Variants in MAP10 observed in about 807,000 individuals in gnomAD.
MAP10 encodes microtubule associated protein 10, also known as microtubule-associated protein 10.
MAP10 carries 10 observed loss-of-function variants against 6.3 expected under a neutral mutation model. The ratio of observed to expected loss-of-function variants is 1.58; its 90% CI spans 0.98 to 2.69. The LOEUF is 2.69. Among genes scored for constraint, MAP10 ranks in the 30% most tolerant of loss-of-function variants. MAP10 has a pLI of 0.00. For synonymous variants in MAP10, 459 were observed against 429.3 expected, an observed-to-expected ratio of 1.07 and a Z score of -0.86; for missense variants, 1,189 against 1,086.5, an observed-to-expected ratio of 1.09 and a Z score of -1.33.
rs1666104795 is a variant in MAP10 at position 232,806,434 on chromosome 1, G to A, written c.985G>A (p.Ala329Thr). 2 of 1,613,686 alleles carry A rather than the reference G, an allele frequency of 1.2e-6. No individual in the cohort carries two copies. Among genetic ancestry groups the A allele is most frequent in the East Asian group, 4.5e-5 (2 of 44,874 alleles). Reference sequence around the variant, plus strand: ...AATCACCATTGAGCCTCAAATGAATGCACCTGAGGAAATGGATGATGCTTC... The same window carrying A: ...AATCACCATTGAGCCTCAAATGAATACACCTGAGGAAATGGATGATGCTTC... Reference protein sequence around the residue: ...AKITIEPQMNAPEEMDDASPE... With the variant: ...AKITIEPQMNTPEEMDDASPE... The change falls in exon 1 of 1, where the codon GCA becomes ACA. Residue 329 changes from alanine to threonine, a missense_variant. Transcript: ENST00000418460.
Position 232,807,238 on chromosome 1 carries a change from G to A in MAP10, c.1789G>A (p.Ala597Thr), listed in dbSNP as rs1461760230. ...STSKETKLKY[A>T]TEKKTVDCSK... Reference sequence around the variant, plus strand: ...AAGTAAAGAAACTAAACTGAAATATGCAACTGAAAAAAAGACAGTTGATTG... The same window carrying A: ...AAGTAAAGAAACTAAACTGAAATATACAACTGAAAAAAAGACAGTTGATTG... Residue 597 changes from alanine to threonine, a missense_variant, in exon 1 of 1, where the codon GCA (alanine) becomes ACA (threonine). By Grantham distance (58) the Ala-to-Thr change is moderately conservative. Transcript: ENST00000418460. 1 of 1,613,092 alleles carries A rather than the reference G, an allele frequency of 6.2e-7. No individual in the cohort carries two copies. The highest frequency in any genetic ancestry group is 8.5e-7 in the Non-Finnish European group (1 of 1,179,586).
In MAP10 at chr1:232,806,995, G is replaced by T. The variant is rs1223733905; in HGVS notation, c.1546G>T (p.Val516Leu). Residue 516 changes from valine (V) to leucine (L), a missense_variant, in exon 1 of 1, where the codon GTG becomes TTG. By Grantham distance (32) the Val-to-Leu change is conservative (BLOSUM62 1). Transcript: ENST00000418460. The stretch of plus-strand genomic sequence containing the variant: ...AAAGCTGACAAATCCTGATATGTTG[G>T]TGGTACATGAAAAAAGAGAACTATA... Reference protein sequence around the residue: ...RLKLTNPDMLVVHEKRELYRK... With the variant: ...RLKLTNPDMLLVHEKRELYRK... 6.2e-7 allele frequency: 1 copy of T among 1,613,056 alleles called. No homozygotes were observed. The highest frequency in any genetic ancestry group is 8.5e-7 in the Non-Finnish European group (1 of 1,179,584).
chr1:232,807,327 T>A lies in MAP10; in HGVS notation c.1878T>A (p.Ile626=). Residue 626 remains isoleucine, a synonymous_variant, in exon 1 of 1, where the codon ATT becomes ATA. Transcript: ENST00000418460. ...EEVVSPANSI[I]PERLTPTNIL... ...TTGTGAGTCCTGCAAATTCCATTAT[T>A]CCAGAAAGGCTTACCCCTACAAATA... The A allele has an allele frequency of 1.9e-6, 3 of 1,613,918 alleles. No individual in the cohort carries two copies. The highest frequency in any genetic ancestry group is 1.7e-6 in the Non-Finnish European group (2 of 1,179,844).
rs1230440540 is a variant in MAP10, at chr1:232,806,147, C to A, written c.698C>A (p.Pro233Gln). The change falls in exon 1 of 1, where the codon CCG becomes CAG. Residue 233 changes from proline (P) to glutamine (Q), a missense_variant. Coordinates refer to ENST00000418460, the MANE Select transcript of MAP10 (RefSeq NM_019090.3). ...CCAAGCCCAAAAGAGGCTGATAAGC[C>A]GCTGGGGGAGTTAGAAATCCCAGAG... ...SQPSPKEADK[P>Q]LGELEIPEAQ... 2 of 1,613,938 alleles carry A rather than the reference C, an allele frequency of 1.2e-6. No individual in the cohort carries two copies. Among genetic ancestry groups the A allele is most frequent in the South Asian group, 2.2e-5 (2 of 91,080 alleles).
Position 232,806,897 on chromosome 1 carries a change from G to A in MAP10, c.1448G>A (p.Ser483Asn). The A allele has an allele frequency of 1.2e-6, 2 of 1,609,592 alleles. No homozygotes were observed. Among genetic ancestry groups the A allele is most frequent in the Non-Finnish European group, 8.5e-7 (1 of 1,178,716 alleles). The change falls in exon 1 of 1, where the codon AGT becomes AAT. Residue 483 changes from serine to asparagine, a missense_variant. Coordinates refer to ENST00000418460, the MANE Select transcript of MAP10 (RefSeq NM_019090.3). ...YKEDKYSEKS[S>N]GALHKRVPKG... ...GAAGATAAATATTCTGAAAAGAGCA[G>A]TGGTGCCCTCCATAAAAGAGTTCCA...
In MAP10 at chr1:232,806,840, A is replaced by G. The variant is rs548973278; in HGVS notation, c.1391A>G (p.Gln464Arg). Reference protein sequence around the residue: ...VGGCEKSVSLQYKKNQIENYK... With the variant: ...VGGCEKSVSLRYKKNQIENYK... Reference sequence around the variant, plus strand: ...GGATGTGAAAAGTCAGTGAGTCTTCAGTATAAAAAGAACCAAATTGAAAAC... The same window carrying G: ...GGATGTGAAAAGTCAGTGAGTCTTCGGTATAAAAAGAACCAAATTGAAAAC... Residue 464 changes from glutamine (Q) to arginine (R), a missense_variant, in exon 1 of 1, where the codon CAG becomes CGG. Physicochemically the swap from Gln to Arg is conservative, Grantham distance 43 (BLOSUM62 1). Coordinates refer to ENST00000418460, the MANE Select transcript of MAP10 (RefSeq NM_019090.3). 6 of 1,613,156 alleles carry G rather than the reference A, an allele frequency of 3.7e-6. No homozygotes were observed. The highest frequency in any genetic ancestry group is 2.2e-5 in the East Asian group (1 of 44,878).
At position 232,806,707 on chromosome 1, in the gene MAP10, C is replaced by T. The variant is rs1324778126; in HGVS notation, c.1258C>T (p.His420Tyr). The T allele has an allele frequency of 2.5e-6, 4 of 1,613,922 alleles. No individual in the cohort carries two copies. Among genetic ancestry groups the T allele is most frequent in the East Asian group, 2.2e-5 (1 of 44,892 alleles). Residue 420 changes from histidine to tyrosine, a missense_variant, in exon 1 of 1, where the codon CAT (histidine) becomes TAT (tyrosine). His to Tyr is a moderately conservative substitution (Grantham distance 83). Coordinates refer to ENST00000418460, the MANE Select transcript of MAP10 (RefSeq NM_019090.3). ...DQPVTSPAHI[H>Y]PHLAWLYRTE... ...ACCTGTGACAAGTCCTGCTCATATA[C>T]ATCCTCACCTAGCCTGGTTATATAG...
rs369254049 is a variant in MAP10, at chr1:232,807,753, C to A, written c.2304C>A (p.Ala768=). 1 of 1,613,296 alleles carries A rather than the reference C, an allele frequency of 6.2e-7. No homozygotes were observed. Among genetic ancestry groups the A allele is most frequent in the Non-Finnish European group, 8.5e-7 (1 of 1,179,712 alleles). ...CTATCCTTAGCCCACCTTTTTCAGC[C>A]GGGTCACCTGTACACTCATACAGAA... ...RSSILSPPFS[A]GSPVHSYRKF... The change falls in exon 1 of 1, where the codon GCC becomes GCA. Residue 768 remains alanine (A), a synonymous_variant. Transcript: ENST00000418460.
chr1:232,806,759 CT>C, the MAP10 span: 3 of 1,613,804 alleles, frequency 1.9e-6, no homozygotes, highest in South Asian at 3.3e-5. Flanking sequence ...TCACCCGAAT[CT>C]TCTGCCAAAT....
In MAP10 at chr1:232,808,445, A is replaced by C; in HGVS notation, c.*278A>C. 2 of 231,726 alleles carry C rather than the reference A, an allele frequency of 8.6e-6. No homozygotes were observed. Among genetic ancestry groups the C allele is most frequent in the Non-Finnish European group, 1.8e-5 (2 of 110,974 alleles). The allele number at this position is 231,726 out of a possible 1,614,324, so 14.4% of individuals were successfully genotyped here. On this transcript the variant is annotated 3_prime_UTR_variant, in exon 1 of 1. Coordinates refer to ENST00000418460, the MANE Select transcript of MAP10 (RefSeq NM_019090.3). The stretch of plus-strand genomic sequence containing the variant: ...AAGTGTCTAGTCTACAGTATTGATC[A>C]TTCTAAAGCTGACTTCATGCACACC...
Position 232,806,115 on chromosome 1 carries a change from C to T in MAP10, c.666C>T (p.Ala222=), listed in dbSNP as rs768719496. The T allele has an allele frequency of 1.9e-6, 3 of 1,614,016 alleles. No homozygotes were observed. The highest frequency in any genetic ancestry group is 1.6e-4 in the Middle Eastern group (1 of 6,062). ...AAAGACAGCAGCTGCAGCAGCCAGC[C>T]TCACAGCCAAGCCCAAAAGAGGCTG... ...QQERQQLQQP[A]SQPSPKEADK... Residue 222 remains alanine (A), a synonymous_variant, in exon 1 of 1, where the codon GCC becomes GCT. Coordinates refer to ENST00000418460, the MANE Select transcript of MAP10 (RefSeq NM_019090.3).
In MAP10 at chr1:232,808,308, G is replaced by T; in HGVS notation, c.*141G>T. Reference sequence around the variant, plus strand: ...ACGTTATTCCTTTGATGTTTAAATGGTATTTTACCATTAAATCTGATAATA... The same window carrying T: ...ACGTTATTCCTTTGATGTTTAAATGTTATTTTACCATTAAATCTGATAATA... On this transcript the variant is annotated 3_prime_UTR_variant, in exon 1 of 1. Transcript: ENST00000418460. The T allele has an allele frequency of 3.8e-6, 2 of 521,664 alleles. No homozygotes were observed. Among genetic ancestry groups the T allele is most frequent in the Non-Finnish European group, 3.4e-6 (1 of 296,280 alleles). 32.3% of individuals were successfully genotyped at this position (521,664 alleles called of 1,614,324 possible).
Position 232,806,789 on chromosome 1 carries a change from C to G in MAP10, c.1340C>G (p.Ala447Gly), listed in dbSNP as rs540700375. The G allele has an allele frequency of 5.3e-5, 85 of 1,613,576 alleles. 1 individual carries two copies. In the South Asian group the frequency reaches 8.8e-4, roughly 17 times the overall value. Residue 447 changes from alanine to glycine, a missense_variant, in exon 1 of 1, where the codon GCC (alanine) becomes GGC (glycine). Coordinates refer to ENST00000418460, the MANE Select transcript of MAP10 (RefSeq NM_019090.3). ...SSAKSTCRSE[A>G]KKDKRSVGGC... The stretch of plus-strand genomic sequence containing the variant: ...GCCAAATCCACATGCCGGTCTGAAG[C>G]CAAGAAGGATAAGCGTTCTGTGGGG...
Position 232,807,241 on chromosome 1 carries a change from A to G in MAP10, c.1792A>G (p.Thr598Ala). The change falls in exon 1 of 1, where the codon ACT (threonine) becomes GCT (alanine). Residue 598 changes from threonine (T) to alanine (A), a missense_variant. Physicochemically the swap from Thr to Ala is moderately conservative, Grantham distance 58 (BLOSUM62 0). Coordinates refer to ENST00000418460, the MANE Select transcript of MAP10 (RefSeq NM_019090.3). ...TSKETKLKYA[T>A]EKKTVDCSKN... ...TAAAGAAACTAAACTGAAATATGCA[A>G]CTGAAAAAAAGACAGTTGATTGTAG... The G allele has an allele frequency of 1.9e-6, 3 of 1,613,446 alleles. No homozygotes were observed. In the South Asian group the frequency reaches 3.3e-5, roughly 18 times the overall value.
In MAP10 at chr1:232,808,835, C is replaced by G. The variant is rs1666151942; in HGVS notation, c.*668C>G. Among the ~76,000 whole-genome samples the G allele has an allele frequency of 2.0e-5, 3 of 151,946 alleles. No individual in the cohort carries two copies. The highest frequency in any genetic ancestry group is 4.4e-5 in the Non-Finnish European group (3 of 67,940). ...TGCATTTTTGTATCTAGCACAATTC[C>G]TGGCATGTGGCTGCAGTGCAATAAA... On this transcript the variant is annotated 3_prime_UTR_variant, in exon 1 of 1. Transcript: ENST00000418460.
Position 232,807,951 on chromosome 1 carries a change from A to G in MAP10, c.2502A>G (p.Arg834=). The change falls in exon 1 of 1, where the codon AGA becomes AGG. Residue 834 remains arginine (R), a synonymous_variant. Coordinates refer to ENST00000418460, the MANE Select transcript of MAP10 (RefSeq NM_019090.3). ...CTCAAGACATCTCTGTTAAAACAAG[A>G]AGTAGTTGGAAATCTTTAGAAAAAA... ...KRAQDISVKT[R]SSWKSLEKSQ... 6.2e-7 allele frequency: 1 copy of G among 1,612,946 alleles called. No individual in the cohort carries two copies. The highest frequency in any genetic ancestry group is 8.5e-7 in the Non-Finnish European group (1 of 1,179,466).
the MAP10 span, chr1:232,807,044 TG>T: frequency 6.2e-7 from 1 of 1,613,070 alleles, no homozygotes; most frequent in Non-Finnish European, 8.5e-7. Flanking sequence ...TCACAAATGT[TG>T]GGTACAAAAT....
chr1:232,807,798 T>A lies in MAP10; in HGVS notation c.2349T>A (p.Thr783=). ...ACAGAAAATTTCATATTTCAAAGAC[T>A]CAGGATAAAAGTTTGGAGGAAGCAT... ...HSYRKFHISK[T]QDKSLEEASS... The change falls in exon 1 of 1, where the codon ACT becomes ACA. Residue 783 remains threonine (T), a synonymous_variant. Coordinates refer to ENST00000418460, the MANE Select transcript of MAP10 (RefSeq NM_019090.3). 1 of 1,613,180 alleles carries A rather than the reference T, an allele frequency of 6.2e-7. No individual in the cohort carries two copies. The highest frequency in any genetic ancestry group is 8.5e-7 in the Non-Finnish European group (1 of 1,179,660).
In MAP10 at chr1:232,807,416, T is replaced by C. The variant is rs772855436; in HGVS notation, c.1967T>C (p.Val656Ala). Reference sequence around the variant, plus strand: ...TGTGTTTTCCAACAGGATGCTGTTGTTGACAGAATTGTAGATAAGGAAATA... The same window carrying C: ...TGTGTTTTCCAACAGGATGCTGTTGCTGACAGAATTGTAGATAAGGAAATA... The part of the protein sequence containing the change: ...SPCVFQQDAV[V>A]DRIVDKEIDI... The change falls in exon 1 of 1, where the codon GTT becomes GCT. Residue 656 changes from valine to alanine, a missense_variant. Val to Ala is a moderately conservative substitution (Grantham distance 64). Transcript: ENST00000418460. 5.0e-6 allele frequency: 8 copies of C among 1,613,812 alleles called. No homozygotes were observed. The highest frequency in any genetic ancestry group is 6.8e-6 in the Non-Finnish European group (8 of 1,179,834).
Sources: gnomAD v4.1 joint callset for allele counts (sites outside exome capture counted in the v4.1 genomes callset) on GRCh38, gnomAD v4.1.1 for gene constraint, MANE v1.5 for transcripts, NCBI Gene and HGNC (gene_info 2026-07-23, HGNC 2026-07-21) for gene names.